ZSCAN5A: variants seen among roughly 807,000 people sequenced by gnomAD.
ZSCAN5A encodes zinc finger and SCAN domain containing 5A.
Under a neutral mutation model 23.7 loss-of-function variants are expected in ZSCAN5A, and 12 were observed. The observed-to-expected ratio is 0.51, with a 90% CI of 0.32 to 0.82. The LOEUF is 0.82. Ranked by LOEUF, ZSCAN5A falls within the 40% of genes least tolerant of loss-of-function variation. ZSCAN5A has a pLI of 0.03. For missense variants in ZSCAN5A, 597 were observed against 617.9 expected, an observed-to-expected ratio of 0.97 and a Z score of 0.36; for synonymous variants, 257 against 239.9, an observed-to-expected ratio of 1.07 and a Z score of -0.66.
At chr19:56,325,096 T>C (rs2041420457) in intron 2 of ZSCAN5A, among the ~76,000 whole-genome samples, 1 of 152,218 alleles carries the variant, frequency 6.6e-6, no homozygotes, top group South Asian at 2.1e-4. Flanking sequence ...CCCAGCCTGG[T>C]GGTGAATCCT....
rs1322207054 is a variant in ZSCAN5A at position 56,302,027 on chromosome 19, T to G, written c.-128+11256A>C. The G allele has an allele frequency of 6.5e-6, 8 of 1,231,854 alleles. No individual in the cohort carries two copies. The East Asian group carries it at 2.2e-4, about 34-fold the overall frequency. The allele number at this position is 1,231,854 out of a possible 1,614,324, so 76.3% of individuals were successfully genotyped here. ...ACCACTCCCCAAGAGGAAGAACACG[T>G]GGAACTTCCTGAAATGCGCCTACAT... On this transcript the variant is annotated intron_variant, in intron 2 of 5. Transcript: ENST00000683990.
intron 1 of ZSCAN5A, chr19:56,363,493 T>C (rs2147471044): frequency 6.6e-6 from 1 of 152,230 alleles, no homozygotes; most frequent in African/African-American, 2.4e-5. Flanking sequence ...TTGGAAGAGT[T>C]TGGAGGGCTC....
chr19:56,240,960 G>A (rs2035383779), intron 2 of ZSCAN5A, among the ~76,000 whole-genome samples: 1 of 152,084 alleles, frequency 6.6e-6, no homozygotes, highest in African/African-American at 2.4e-5. Flanking sequence ...CATACCACCT[G>A]GGTCTTCCAA....
chr19:56,295,737 T>C (rs2039830637), intron 2 of ZSCAN5A: 1 of 152,334 alleles, frequency 6.6e-6, no homozygotes. Context: ...AGCCTCTGAC[T>C]GTTCTGCGCT....
At chr19:56,230,615 A>ATGTGTGTGTGTGTGTG (rs58270311) in intron 2 of ZSCAN5A, among the ~76,000 whole-genome samples, 2 of 147,588 alleles carry the variant, frequency 1.4e-5, no homozygotes, top group Admixed American at 6.8e-5. Context: ...TTATTTCTTG[A>ATGTGTGTGTGTGTGTG]TGTGTGTGTG....
At chr19:56,298,979 A>C (rs193250351) in intron 2 of ZSCAN5A, among the ~76,000 whole-genome samples, 10 of 152,368 alleles carry the variant, frequency 6.6e-5, no homozygotes, top group Admixed American at 5.2e-4. Flanking sequence ...CATGTTAAAC[A>C]ATCATGACTA....
chr19:56,273,765 C>CG (rs1215490903), intron 2 of ZSCAN5A, among the ~76,000 whole-genome samples: 1 of 151,998 alleles, frequency 6.6e-6, no homozygotes, highest in Non-Finnish European at 1.5e-5. Flanking sequence ...ACAGAACAGA[C>CG]GGGGGCATGT....
intron 2 of ZSCAN5A, among the ~76,000 whole-genome samples, chr19:56,290,950 G>T (rs900708689): frequency 8.5e-5 from 13 of 152,166 alleles, no homozygotes; most frequent in South Asian, 2.1e-4. Context: ...TCTTCTCAAT[G>T]TAGAACACAA....
chr19:56,252,598 G>C (rs10401852), intron 2 of ZSCAN5A, among the ~76,000 whole-genome samples: 5 of 152,160 alleles, frequency 3.3e-5, no homozygotes, highest in Non-Finnish European at 7.3e-5. Flanking sequence ...ACTGGCACTA[G>C]AAGAGGGAGT....
chr19:56,259,979 A>C (rs945787907), intron 2 of ZSCAN5A, among the ~76,000 whole-genome samples: 4 of 152,256 alleles, frequency 2.6e-5, no homozygotes, highest in African/African-American at 9.6e-5. Flanking sequence ...GTTTTAAAAA[A>C]ATAAAAATTA....
intron 2 of ZSCAN5A, among the ~76,000 whole-genome samples, chr19:56,308,656 T>C (rs1009302385): frequency 2.8e-5 from 4 of 141,010 alleles, no homozygotes; most frequent in African/African-American, 1.0e-4. Context: ...CCCCAAAACA[T>C]CACATTTTTT....
rs1202117494 is a variant in ZSCAN5A, at chr19:56,281,740, C to T, written c.-128+31543G>A. ...TCTCCCTACATAAATGGGGAGCCCG[C>T]CCTTCAACCTAGAGAAGGAAGGGAA... On this transcript the variant is annotated intron_variant, in intron 2 of 5. Transcript: ENST00000683990. The T allele has an allele frequency of 1.4e-5, 14 of 981,616 alleles. No homozygotes were observed. In the Admixed American group the frequency reaches 2.5e-4, roughly 17 times the overall value. The allele number at this position is 981,616 out of a possible 1,614,324, so 60.8% of individuals were successfully genotyped here. A position where few individuals can be genotyped will look rare whatever the true frequency, so the allele number is the denominator to read the frequency against.
chr19:56,279,618 A>T (rs2038531845), intron 2 of ZSCAN5A, among the ~76,000 whole-genome samples: 1 of 152,212 alleles, frequency 6.6e-6, no homozygotes, highest in Non-Finnish European at 1.5e-5. Flanking sequence ...CTGGACCATC[A>T]TCATGAGAAT....
chr19:56,280,940 TA>T (rs1291651919), intron 2 of ZSCAN5A, among the ~76,000 whole-genome samples: 1 of 152,130 alleles, frequency 6.6e-6, no homozygotes, highest in Non-Finnish European at 1.5e-5. Context: ...ATGTGAGAGT[TA>T]GGGGCACCAA....
At chr19:56,301,788 T>G in intron 2 of ZSCAN5A, 1 of 536,854 alleles carries the variant, frequency 1.9e-6, no homozygotes, top group Non-Finnish European at 2.8e-6. Context: ...TTGTCTGGAG[T>G]ATGGTGGTAA....
intron 2 of ZSCAN5A, among the ~76,000 whole-genome samples, chr19:56,272,181 A>G (rs1221292729): frequency 6.6e-6 from 1 of 152,244 alleles, no homozygotes; most frequent in Non-Finnish European, 1.5e-5. Flanking sequence ...ACAAAAATGT[A>G]AAAACAATAC....
At chr19:56,310,291 C>T (rs1266347933) in intron 2 of ZSCAN5A, 1 of 152,268 alleles carries the variant, frequency 6.6e-6, no homozygotes, top group Non-Finnish European at 1.5e-5. Flanking sequence ...CCTGGGTGCC[C>T]AGAGGCATGG....
At chr19:56,362,668 G>C (rs2041741578) in intron 2 of ZSCAN5A, among the ~76,000 whole-genome samples, 1 of 152,176 alleles carries the variant, frequency 6.6e-6, no homozygotes, top group South Asian at 2.1e-4. Flanking sequence ...AGGAGATTAA[G>C]ACCATCCTGG....
At chr19:56,367,499 A>C (rs2041778084) in intron 1 of ZSCAN5A, 2 of 152,246 alleles carry the variant, frequency 1.3e-5, no homozygotes, top group African/African-American at 4.8e-5. Context: ...ACAAGAAGTA[A>C]TTTGAACTGC....
Sources: allele counts gnomAD v4.1 joint callset (sites outside exome capture counted in the v4.1 genomes callset), GRCh38; gene constraint gnomAD v4.1.1; transcripts MANE v1.5; gene names NCBI Gene and HGNC (gene_info 2026-07-23, HGNC 2026-07-21).